The following EGF variants were observed in gnomAD, a reference collection of about 807,000 sequenced individuals.
EGF encodes the protein pro-epidermal growth factor.
EGF carries 95 observed loss-of-function variants against 143.8 expected under a neutral mutation model. That is an observed-to-expected ratio of 0.66 (90% CI 0.56 to 0.78). The LOEUF (loss-of-function observed/expected upper bound fraction) is 0.78. Ranked by LOEUF, EGF falls within the 30% of genes least tolerant of loss-of-function variation. EGF has a pLI of 0.00. For synonymous variants in EGF, 510 were observed against 510.5 expected, an observed-to-expected ratio of 1.00 and a Z score of 0.01; for missense variants, 1,320 against 1,470.9, an observed-to-expected ratio of 0.90 and a Z score of 1.68.
At chr4:109,956,148 T>C (rs1744753973) in intron 5 of EGF, among the ~76,000 whole-genome samples, 3 of 152,232 alleles carry the variant, frequency 2.0e-5, no homozygotes, top group Admixed American at 1.3e-4. Context: ...TGTTTATAAC[T>C]ATAGAATTTT....
intron 22 of EGF, among the ~76,000 whole-genome samples, chr4:110,005,471 G>A (rs1753158212): frequency 6.6e-6 from 1 of 151,900 alleles, no homozygotes; most frequent in African/African-American, 2.4e-5. Context: ...TAAAAATATA[G>A]GATGCCTAGT....
At chr4:109,988,843 G>A (rs905562617) in intron 18 of EGF, 134 bp downstream of exon 18, 13 of 1,366,700 alleles carry the variant, frequency 9.5e-6, no homozygotes, top group Admixed American at 1.8e-5. Context: ...AGAGTTGTGC[G>A]ACCTGCTCAA....
chr4:109,997,212 C>T lies in EGF; in HGVS notation c.3005+2332C>T, dbSNP rs376994385. Reference sequence around the variant, plus strand: ...GTGGGGGCCATAACTTCAGATGAGCCAGTTAATTGATCCGGGTGGTGTCAG... The same window carrying T: ...GTGGGGGCCATAACTTCAGATGAGCTAGTTAATTGATCCGGGTGGTGTCAG... On this transcript the variant is annotated intron_variant, in intron 20 of 23. Coordinates refer to ENST00000265171, the MANE Select transcript of EGF (RefSeq NM_001963.6). Among the ~76,000 whole-genome samples, 10 of 152,152 alleles carry T rather than the reference C, an allele frequency of 6.6e-5. No individual in the cohort carries two copies. In the East Asian group the frequency reaches 1.4e-3, roughly 21 times the overall value.
intron 5 of EGF, among the ~76,000 whole-genome samples, chr4:109,957,935 T>C (rs556862235): frequency 3.9e-5 from 6 of 152,314 alleles, no homozygotes; most frequent in East Asian, 3.9e-4. Context: ...GTATTTCTCA[T>C]AGTATTTTAC....
At chr4:109,975,737 T>C (rs963671952) in intron 12 of EGF, among the ~76,000 whole-genome samples, 5 of 152,234 alleles carry the variant, frequency 3.3e-5, no homozygotes, top group Non-Finnish European at 5.9e-5. Flanking sequence ...ATTTTATTAG[T>C]CATATATTGC....
intron 1 of EGF, among the ~76,000 whole-genome samples, chr4:109,919,197 C>A (rs1304999279): frequency 6.6e-6 from 1 of 151,816 alleles, no homozygotes; most frequent in Non-Finnish European, 1.5e-5. Context: ...AATCATTTTT[C>A]TTTTCCTTCT....
chr4:109,967,806 C>T (rs1167113003), intron 10 of EGF, among the ~76,000 whole-genome samples: 2 of 152,046 alleles, frequency 1.3e-5, no homozygotes, highest in East Asian at 1.9e-4. Context: ...CAAACCTGTG[C>T]GGATGTTACT....
intron 10 of EGF, among the ~76,000 whole-genome samples, chr4:109,968,303 G>T (rs755744688): frequency 1.3e-5 from 2 of 152,066 alleles, no homozygotes; most frequent in Non-Finnish European, 2.9e-5. Flanking sequence ...GAAAATTGAG[G>T]TTAAAGAATT....
Position 110,011,825 on chromosome 4 carries a change from C to A in EGF, c.*370C>A. The A allele has an allele frequency of 3.1e-6, 1 of 324,610 alleles. No individual in the cohort carries two copies. Among genetic ancestry groups the A allele is most frequent in the Non-Finnish European group, 5.9e-6 (1 of 169,304 alleles). 20.1% of individuals were successfully genotyped at this position (324,610 alleles called of 1,614,324 possible). A position where few individuals can be genotyped will look rare whatever the true frequency, so the allele number is the denominator to read the frequency against. ...AAGCAGACAGTCACACTGGTTTGGT[C>A]AGTTACAAAGTAATTTCTTTGATCT... On this transcript the variant is annotated 3_prime_UTR_variant, in exon 24 of 24. Transcript: ENST00000265171.
intron 1 of EGF, among the ~76,000 whole-genome samples, chr4:109,929,735 CTT>C (rs1409279462): frequency 5.9e-5 from 9 of 152,230 alleles, no homozygotes; most frequent in African/African-American, 2.2e-4. Flanking sequence ...GGAATTAAGA[CTT>C]AAATTCAAAT....
chr4:109,927,500 G>C (rs1231911803), intron 1 of EGF, among the ~76,000 whole-genome samples: 1 of 152,056 alleles, frequency 6.6e-6, no homozygotes, highest in South Asian at 2.1e-4. Flanking sequence ...CGAGGCAGGC[G>C]GATCACGAGG....
At chr4:109,998,269 C>T (rs1019039593) in intron 20 of EGF, among the ~76,000 whole-genome samples, 10 of 152,228 alleles carry the variant, frequency 6.6e-5, no homozygotes, top group African/African-American at 2.4e-4. Flanking sequence ...ATTAAAACAG[C>T]ATCCAAGAAA....
intron 1 of EGF, among the ~76,000 whole-genome samples, chr4:109,926,208 C>G (rs1356367972): frequency 1.3e-5 from 2 of 152,080 alleles, no homozygotes; most frequent in Non-Finnish European, 2.9e-5. Context: ...AAAAACTTAG[C>G]TGGGCATGGT....
intron 21 of EGF, among the ~76,000 whole-genome samples, chr4:110,003,728 A>G (rs1285940423): frequency 7.5e-6 from 1 of 132,460 alleles, no homozygotes; most frequent in Non-Finnish European, 1.5e-5. Context: ...GACGCCGTGT[A>G]TAGACTTAGC....
At chr4:109,958,210 G>A (rs886497903) in intron 5 of EGF, among the ~76,000 whole-genome samples, 1 of 152,116 alleles carries the variant, frequency 6.6e-6, no homozygotes, top group Non-Finnish European at 1.5e-5. Flanking sequence ...CTTCATTCCT[G>A]TGAATTCAAC....
chr4:109,953,847 G>A (rs972832539), intron 5 of EGF, among the ~76,000 whole-genome samples: 6 of 152,130 alleles, frequency 3.9e-5, no homozygotes, highest in Non-Finnish European at 5.9e-5. Context: ...GGTGGGGTGC[G>A]GTGGTGACAA....
intron 1 of EGF, among the ~76,000 whole-genome samples, chr4:109,935,539 C>A (rs1474241038): frequency 1.3e-5 from 2 of 152,094 alleles, no homozygotes; most frequent in African/African-American, 4.8e-5. Context: ...ATTGAATACC[C>A]TTTATTTCTT....
chr4:109,982,387 G>A (rs185859761), intron 15 of EGF, among the ~76,000 whole-genome samples: 1 of 151,920 alleles, frequency 6.6e-6, no homozygotes, highest in Non-Finnish European at 1.5e-5. Context: ...GAGTGCAGTG[G>A]CAAGATCTCA....
rs1752988980 is a variant in EGF, at chr4:110,004,457, G to A, written c.3174-48G>A. On this transcript the variant is annotated intron_variant, in intron 21 of 23. Transcript: ENST00000265171. ...CCCTGATCATCACTGAGTGGGCTGA[G>A]TATTTTGTTTTGTTGTGAGATTGTC... 6 of 1,518,614 alleles carry A rather than the reference G, an allele frequency of 4.0e-6. No homozygotes were observed. The East Asian group carries it at 6.7e-5, about 17-fold the overall frequency. 94.1% of individuals were successfully genotyped at this position (1,518,614 alleles called of 1,614,324 possible).
Sources: allele counts gnomAD v4.1 joint callset (sites outside exome capture counted in the v4.1 genomes callset), GRCh38; gene constraint gnomAD v4.1.1; transcripts MANE v1.5; gene names NCBI Gene and HGNC (gene_info 2026-07-23, HGNC 2026-07-21).